The following SFXN1 variants were observed in gnomAD, a reference collection of about 807,000 sequenced individuals.
SFXN1 encodes sideroflexin 1, also known as sideroflexin-1.
In SFXN1, 32 loss-of-function variants were observed where a neutral mutation model predicts 39.5. That is an observed-to-expected ratio of 0.81 (90% CI 0.61 to 1.09). The LOEUF is 1.09. SFXN1 is among the 50% of genes least tolerant of loss of function. SFXN1 has a pLI of 0.00. For missense variants in SFXN1, 402 were observed against 407.1 expected (o/e 0.99, Z 0.11); for synonymous variants, 136 against 146.5 (o/e 0.93, Z 0.52).
rs528025744 is a variant in SFXN1 at position 175,498,056 on chromosome 5, C to CA, written c.164+5796dup. ...TGCTGTTTTAATTCTTTGATCAAAA[C>CA]AAAAAAATCACAAAGTAAAAACAAT... On this transcript the variant is annotated intron_variant, in intron 2 of 10. Transcript: ENST00000321442. Among the ~76,000 whole-genome samples the CA allele has an allele frequency of 7.8e-5, 10 of 128,074 alleles. No homozygotes were observed. The South Asian group carries it at 2.4e-3, about 31-fold the overall frequency. 84.0% of individuals were successfully genotyped at this position (128,074 alleles called of 152,430 possible). A position where few individuals can be genotyped will look rare whatever the true frequency, so the allele number is the denominator to read the frequency against.
chr5:175,517,320 G>A (rs1209617258), intron 8 of SFXN1, among the ~76,000 whole-genome samples: 1 of 151,854 alleles, frequency 6.6e-6, no homozygotes, highest in South Asian at 2.1e-4. Context: ...GCTTGATATT[G>A]TACCCTTTGA....
In SFXN1 at chr5:175,528,274, C is replaced by G. The variant is rs1761133837; in HGVS notation, c.*1540C>G. The G allele has an allele frequency of 6.6e-6, 1 of 151,912 alleles. No individual in the cohort carries two copies. The highest frequency in any genetic ancestry group is 2.1e-4 in the South Asian group (1 of 4,820). The allele number at this position is 151,912 out of a possible 1,614,324, so 9.4% of individuals were successfully genotyped here. ...TGAAAAATAATACAAATTTAAAAAC[C>G]AATACAGTATAACAACTATTTACAT... On this transcript the variant is annotated 3_prime_UTR_variant, in exon 11 of 11. Transcript: ENST00000321442.
chr5:175,506,659 TTGG>T, intron 2 of SFXN1, among the ~76,000 whole-genome samples: 1 of 151,944 alleles, frequency 6.6e-6, no homozygotes, highest in Non-Finnish European at 1.5e-5. Context: ...ACTTAAAAAG[TTGG>T]TGTATTCATT....
intron 8 of SFXN1, among the ~76,000 whole-genome samples, chr5:175,519,864 CTTTTTTTTT>C (rs369561037): frequency 6.5e-5 from 5 of 77,282 alleles, no homozygotes; most frequent in Admixed American, 1.6e-4. Context: ...GGGTTTTTTG[CTTTTTTTTT>C]TTTTTTTTTT....
At chr5:175,520,209 A>G in intron 8 of SFXN1, among the ~76,000 whole-genome samples, 1 of 150,032 alleles carries the variant, frequency 6.7e-6, no homozygotes, top group African/African-American at 2.5e-5. Flanking sequence ...ATATATGTAC[A>G]TATATATATA....
Position 175,522,387 on chromosome 5 carries a change from T to C in SFXN1, c.837T>C (p.Ala279=), listed in dbSNP as rs774296861. ...TATTTTTTTTAAGTTTGGTGTTTGCTACACCCCTGTGTTGTGCCCTGTTTC... is the reference window on the plus strand; with the variant it reads ...TATTTTTTTTAAGTTTGGTGTTTGCCACACCCCTGTGTTGTGCCCTGTTTC... ...VGLVGFCLVF[A]TPLCCALFPQ... Residue 279 remains alanine, a synonymous_variant, in exon 10 of 11, where the codon GCT becomes GCC. Coordinates refer to ENST00000321442, the MANE Select transcript of SFXN1 (RefSeq NM_022754.7). The C allele has an allele frequency of 2.5e-5, 40 of 1,599,986 alleles. No individual in the cohort carries two copies. Among genetic ancestry groups the C allele is most frequent in the Admixed American group, 3.6e-5 (2 of 55,170 alleles).
intron 2 of SFXN1, among the ~76,000 whole-genome samples, chr5:175,504,728 AT>A (rs956416829): frequency 6.6e-6 from 1 of 151,462 alleles, no homozygotes; most frequent in South Asian, 2.1e-4. Context: ...CATAAGAACA[AT>A]TTTTTTTGGG....
At chr5:175,510,229 A>G (rs763910972) in intron 4 of SFXN1, 22 bp downstream of exon 4, 17 of 1,575,948 alleles carry the variant, frequency 1.1e-5, no homozygotes, top group Non-Finnish European at 1.4e-5. Context: ...AGAATTGACC[A>G]CTCTCTGCAG....
chr5:175,525,377 C>A (rs988065829), intron 10 of SFXN1, among the ~76,000 whole-genome samples: 4 of 152,118 alleles, frequency 2.6e-5, no homozygotes, highest in Non-Finnish European at 5.9e-5. Context: ...AACGTCTGGC[C>A]CAGCAAGTGA....
chr5:175,489,943 T>G (rs141310361), intron 1 of SFXN1, among the ~76,000 whole-genome samples: 1 of 152,336 alleles, frequency 6.6e-6, no homozygotes, highest in East Asian at 1.9e-4. Context: ...CCGGTGGAGA[T>G]CTGATAGAGA....
chr5:175,515,475 G>C (rs759688858), intron 7 of SFXN1, among the ~76,000 whole-genome samples: 1 of 152,182 alleles, frequency 6.6e-6, no homozygotes, highest in Non-Finnish European at 1.5e-5. Flanking sequence ...ATTTATAAGA[G>C]TAATTGACAT....
rs911046459 is a variant in SFXN1 at position 175,486,975 on chromosome 5, T to C, written c.-9-5120T>C. On this transcript the variant is annotated intron_variant, in intron 1 of 10. Transcript: ENST00000321442. ...GAAGGAAAAATAGTGATAGTGAGAATTATAGTTAAAAGGGAAGAGAGATTC... is the reference window on the plus strand; with the variant it reads ...GAAGGAAAAATAGTGATAGTGAGAACTATAGTTAAAAGGGAAGAGAGATTC... Among the ~76,000 whole-genome samples, 5 of 152,168 alleles carry C rather than the reference T, an allele frequency of 3.3e-5. No homozygotes were observed. In the South Asian group the frequency reaches 1.0e-3, roughly 32 times the overall value.
chr5:175,485,407 G>T (rs772713833), intron 1 of SFXN1, among the ~76,000 whole-genome samples: 3 of 152,090 alleles, frequency 2.0e-5, no homozygotes, highest in Non-Finnish European at 4.4e-5. Context: ...AGCTGCTAGG[G>T]GCTGCAGCTC....
chr5:175,507,601 C>CA (rs991233165), intron 2 of SFXN1, among the ~76,000 whole-genome samples: 1 of 152,052 alleles, frequency 6.6e-6, no homozygotes, highest in African/African-American at 2.4e-5. Context: ...TGTTTTTTCT[C>CA]AATTTTTGAC....
rs765757989 is a variant in SFXN1 at position 175,491,173 on chromosome 5, T to TA, written c.-9-920dup. On this transcript the variant is annotated intron_variant, in intron 1 of 10. Transcript: ENST00000321442. ...CCAGAAAATAAAAATTGTATGAGGA[T>TA]AATTACATGCTGCAGAGTTACTCCT... Among the ~76,000 whole-genome samples, 7 of 152,346 alleles carry TA rather than the reference T, an allele frequency of 4.6e-5. No homozygotes were observed. In the East Asian group the frequency reaches 7.7e-4, roughly 17 times the overall value.
Position 175,526,788 on chromosome 5 carries a change from A to G in SFXN1, c.*54A>G, listed in dbSNP as rs112482304. On this transcript the variant is annotated 3_prime_UTR_variant, in exon 11 of 11. Coordinates refer to ENST00000321442, the MANE Select transcript of SFXN1 (RefSeq NM_022754.7). ...CTGCCACTGCAAAGCTGGTGTAGCC[A>G]TGCTGGTGAGAAAAATCCTGTTCAA... The G allele has an allele frequency of 2.4e-3, 3,500 of 1,458,324 alleles. 80 individuals carry two copies. In the African/African-American group the frequency reaches 0.042, roughly 18 times the overall value. The allele number at this position is 1,458,324 out of a possible 1,614,324, so 90.3% of individuals were successfully genotyped here.
At position 175,528,616 on chromosome 5, in the gene SFXN1, G is replaced by A. The variant is rs1261049347; in HGVS notation, c.*1882G>A. 1 of 152,148 alleles carries A rather than the reference G, an allele frequency of 6.6e-6. No individual in the cohort carries two copies. The highest frequency in any genetic ancestry group is 1.5e-5 in the Non-Finnish European group (1 of 68,024). The allele number at this position is 152,148 out of a possible 1,614,324, so 9.4% of individuals were successfully genotyped here. On this transcript the variant is annotated 3_prime_UTR_variant, in exon 11 of 11. Transcript: ENST00000321442. ...TCATAAAGAAAAAATGGCGTGCCTT[G>A]TGTCTGTGTTTCTCTTTTCTCTGAA... is the stretch of plus-strand genomic sequence containing the variant.
Position 175,526,706 on chromosome 5 carries a change from G to T in SFXN1, c.941G>T (p.Arg314Leu). The part of the protein sequence containing the change: ...AKIQESHPEL[R>L]RVYFNKGL ...ATCCAAGAGAGCCATCCTGAATTGC[G>T]ACGCGTGTACTTCAATAAGGGATTG... The change falls in exon 11 of 11, where the codon CGA becomes CTA. Residue 314 changes from arginine to leucine, a missense_variant. Transcript: ENST00000321442. 1 of 1,614,192 alleles carries T rather than the reference G, an allele frequency of 6.2e-7. No homozygotes were observed. Among genetic ancestry groups the T allele is most frequent in the Non-Finnish European group, 8.5e-7 (1 of 1,180,014 alleles).
At chr5:175,479,632 T>C (rs1759156006) in intron 1 of SFXN1, among the ~76,000 whole-genome samples, 1 of 152,140 alleles carries the variant, frequency 6.6e-6, no homozygotes, top group Non-Finnish European at 1.5e-5. Flanking sequence ...TTTGTGTTGC[T>C]CAGCCTATCT....
Sources: allele counts gnomAD v4.1 joint callset (sites outside exome capture counted in the v4.1 genomes callset), GRCh38; gene constraint gnomAD v4.1.1; transcripts MANE v1.5; gene names NCBI Gene and HGNC (gene_info 2026-07-23, HGNC 2026-07-21).